CATSPERD: variants seen among roughly 807,000 people sequenced by gnomAD.
CATSPERD encodes the protein catsper channel auxiliary subunit delta.
Under a neutral mutation model 98.1 loss-of-function variants are expected in CATSPERD, and 86 were observed. That is an observed-to-expected ratio of 0.88 (90% CI 0.74 to 1.05). The LOEUF (loss-of-function observed/expected upper bound fraction) is 1.05. Among genes scored for constraint, CATSPERD ranks in the 50% least tolerant of loss-of-function variants. The pLI, the probability that CATSPERD is intolerant of heterozygous loss-of-function variation, is 0.00. For missense variants in CATSPERD, 995 were observed against 1,005.7 expected, an observed-to-expected ratio of 0.99 and a Z score of 0.14; for synonymous variants, 394 against 390.2, an observed-to-expected ratio of 1.01 and a Z score of -0.12.
chr19:5,752,944 C>T (rs1050353492), intron 12 of CATSPERD, among the ~76,000 whole-genome samples: 4 of 151,228 alleles, frequency 2.6e-5, no homozygotes, highest in African/African-American at 9.7e-5. Context: ...AGGAGAATCG[C>T]TTGAACCTGG....
At chr19:5,733,307 T>TTTCTTTCTTTCTTTCTTTCTTTCTTTC (rs1568343566) in intron 4 of CATSPERD, among the ~76,000 whole-genome samples, 268 of 146,970 alleles carry the variant, frequency 1.8e-3, no homozygotes, top group African/African-American at 6.4e-3. Flanking sequence ...TTCTTTTTCT[T>TTTCTTTCTTTCTTTCTTTCTTTCTTTC]TTTCTTTCTT....
intron 3 of CATSPERD, among the ~76,000 whole-genome samples, chr19:5,729,374 C>T (rs1599510616): frequency 1.3e-5 from 2 of 152,222 alleles, no homozygotes; most frequent in African/African-American, 4.8e-5. Flanking sequence ...GCTGGGATTA[C>T]AGGCATGAGC....
rs150777440 is a variant in CATSPERD, at chr19:5,765,684, C to T, written c.1507-419C>T. Among the ~76,000 whole-genome samples, 173 of 151,930 alleles carry T rather than the reference C, an allele frequency of 1.1e-3. 3 individuals carry two copies. The East Asian group carries it at 0.028, about 24-fold the overall frequency. ...AAAATTAGCCGGGTGTGCTGGTAGG[C>T]GCCTGTAATCCCAGCTACTTGGGAA... is the stretch of plus-strand genomic sequence containing the variant. On this transcript the variant is annotated intron_variant, in intron 16 of 21. Transcript: ENST00000381624.
intron 1 of CATSPERD, 56 bp from the exon 2 acceptor site, chr19:5,724,752 G>A (rs2055570881): frequency 1.9e-6 from 3 of 1,546,128 alleles, no homozygotes; most frequent in Non-Finnish European, 2.7e-6. Context: ...TGAGTAGGAG[G>A]ATTCATGCTG....
rs757738894 is a variant in CATSPERD at position 5,750,309 on chromosome 19, G to A, written c.987+1126G>A. Reference sequence around the variant, plus strand: ...TAAAAAAAATACGAAAAAATTAGCCGGGCGTGGTGGCGGCACCTGTAGTCC... The same window carrying A: ...TAAAAAAAATACGAAAAAATTAGCCAGGCGTGGTGGCGGCACCTGTAGTCC... On this transcript the variant is annotated intron_variant, in intron 11 of 21. Transcript: ENST00000381624. 6.0e-5 allele frequency among the ~76,000 whole-genome samples: 9 copies of A among 150,288 alleles called. No individual in the cohort carries two copies. The East Asian group carries it at 6.0e-4, about 10-fold the overall frequency.
chr19:5,770,811 C>T (rs1041816778), intron 18 of CATSPERD, 133 bp from the exon 19 acceptor site: 5 of 1,058,668 alleles, frequency 4.7e-6, no homozygotes, highest in Non-Finnish European at 6.9e-6. Context: ...TCTCAATCGC[C>T]CACCTCAGAT....
chr19:5,764,287 T>C (rs1203619653), intron 16 of CATSPERD, among the ~76,000 whole-genome samples: 3 of 149,564 alleles, frequency 2.0e-5, no homozygotes, highest in Non-Finnish European at 4.4e-5. Context: ...GGTAAATCCA[T>C]GTTTGTCTTG....
At chr19:5,750,450 C>CAAA (rs60496454) in intron 11 of CATSPERD, among the ~76,000 whole-genome samples, 3,662 of 48,044 alleles carry the variant, frequency 0.076, 326 homozygotes, top group Middle Eastern at 0.11. Context: ...GACTCTGTCT[C>CAAA]AAAAAAAAAA....
chr19:5,729,979 G>A, intron 4 of CATSPERD, 35 bp downstream of exon 4: 1 of 1,179,570 alleles, frequency 8.5e-7, no homozygotes, highest in Non-Finnish European at 1.2e-6. Flanking sequence ...AAGGATGCTA[G>A]TATAAGTAAT....
At chr19:5,738,396 G>C (rs1409106436) in intron 6 of CATSPERD, among the ~76,000 whole-genome samples, 3 of 151,574 alleles carry the variant, frequency 2.0e-5, no homozygotes, top group African/African-American at 7.3e-5. Context: ...GCTAGATATG[G>C]TGGTGAGCAC....
chr19:5,724,317 C>T (rs2055561125), intron 1 of CATSPERD, among the ~76,000 whole-genome samples: 1 of 151,492 alleles, frequency 6.6e-6, no homozygotes, highest in Non-Finnish European at 1.5e-5. Context: ...CCTGCCTCGG[C>T]CTCCCAAAGT....
At position 5,778,445 on chromosome 19, in the gene CATSPERD, T is replaced by G; in HGVS notation, c.2166T>G (p.Ala722=). Residue 722 remains alanine, a synonymous_variant, in exon 22 of 22, where the codon GCT becomes GCG. Coordinates refer to ENST00000381624, the MANE Select transcript of CATSPERD (RefSeq NM_152784.4). ...CATTCCCCGTGCAGCTGGTCTCTGC[T>G]GGAGTCGTCATCCTACTGATCATCT... ...YGAFPVQLVS[A]GVVILLIISS... 6.2e-7 allele frequency: 1 copy of G among 1,614,000 alleles called. No individual in the cohort carries two copies. The highest frequency in any genetic ancestry group is 1.1e-5 in the South Asian group (1 of 91,082).
intron 1 of CATSPERD, among the ~76,000 whole-genome samples, chr19:5,723,513 G>A (rs2055541731): frequency 2.1e-5 from 3 of 144,190 alleles, no homozygotes; most frequent in African/African-American, 7.7e-5. Context: ...TGCCCAGGCT[G>A]GAGTGCAATG....
intron 1 of CATSPERD, 101 bp downstream of exon 1, chr19:5,720,909 C>T (rs1056701867): frequency 3.3e-5 from 30 of 911,964 alleles, no homozygotes; most frequent in Non-Finnish European, 4.4e-5. Context: ...CACTGAGGCT[C>T]CCCTTTTACT....
chr19:5,725,730 G>A (rs1309479643), intron 2 of CATSPERD, among the ~76,000 whole-genome samples: 4 of 151,810 alleles, frequency 2.6e-5, no homozygotes, highest in South Asian at 2.1e-4. Flanking sequence ...GTGAAACCCC[G>A]TCTCTACTAG....
In CATSPERD at chr19:5,737,228, T is replaced by A. The variant is rs777685154; in HGVS notation, c.459+23T>A. The A allele has an allele frequency of 2.6e-6, 4 of 1,538,102 alleles. No individual in the cohort carries two copies. In the African/African-American group the frequency reaches 5.5e-5, roughly 21 times the overall value. On this transcript the variant is annotated intron_variant, in intron 6 of 21. Coordinates refer to ENST00000381624, the MANE Select transcript of CATSPERD (RefSeq NM_152784.4). ...GTGGTAAGTATAAGTGTATAATTGT[T>A]CATTTTTTTTTGCTCTCCTCTGAAC...
At chr19:5,766,330 A>C (rs566522428) in intron 17 of CATSPERD, among the ~76,000 whole-genome samples, 175 bp downstream of exon 17, 29 of 150,196 alleles carry the variant, frequency 1.9e-4, no homozygotes, top group African/African-American at 6.8e-4. Flanking sequence ...AGACACCTGC[A>C]ATCTCGGCTA....
At chr19:5,737,286 C>T (rs554791259) in intron 6 of CATSPERD, 81 bp downstream of exon 6, 13 of 916,792 alleles carry the variant, frequency 1.4e-5, no homozygotes, top group African/African-American at 1.3e-4. Context: ...AAAGGCTGGG[C>T]GTGGTGGCTC....
chr19:5,722,733 C>CA (rs2055517287), intron 1 of CATSPERD, among the ~76,000 whole-genome samples: 1 of 140,034 alleles, frequency 7.1e-6, no homozygotes, highest in Non-Finnish European at 1.6e-5. Context: ...TATCAAGACC[C>CA]CCCCCCCCGC....
Sources: allele counts gnomAD v4.1 joint callset (sites outside exome capture counted in the v4.1 genomes callset), GRCh38; gene constraint gnomAD v4.1.1; transcripts MANE v1.5; gene names NCBI Gene and HGNC (gene_info 2026-07-23, HGNC 2026-07-21).